Variants in DLGAP2 observed in about 807,000 individuals in gnomAD.
DLGAP2 encodes the protein disks large-associated protein 2.
DLGAP2 carries 26 observed loss-of-function variants against 100.3 expected under a neutral mutation model. The observed-to-expected ratio is 0.26, with a 90% CI of 0.19 to 0.36. The LOEUF (loss-of-function observed/expected upper bound fraction) is 0.36. Ranked by LOEUF, DLGAP2 falls within the 10% of genes least tolerant of loss-of-function variation. The pLI, the probability that DLGAP2 is intolerant of heterozygous loss-of-function variation, is 1.00. For missense variants in DLGAP2, 1,858 were observed against 1,453.2 expected (o/e 1.28, Z -4.53); for synonymous variants, 886 against 630.1 (o/e 1.41, Z -6.08).
chr8:742,133 G>A (rs554450088), intron 1 of DLGAP2, among the ~76,000 whole-genome samples: 1 of 152,364 alleles, frequency 6.6e-6, no homozygotes, highest in East Asian at 1.9e-4. Flanking sequence ...CAAATGGGAT[G>A]TATGGGCTTT....
chr8:885,300 T>G (rs575392735), intron 1 of DLGAP2, among the ~76,000 whole-genome samples: 1 of 152,334 alleles, frequency 6.6e-6, no homozygotes, highest in East Asian at 1.9e-4. Context: ...CTCATTTCCT[T>G]GAGCAGTGGT....
intron 3 of DLGAP2, among the ~76,000 whole-genome samples, chr8:1,442,761 A>G (rs1797874228): frequency 6.9e-6 from 1 of 145,488 alleles, no homozygotes; most frequent in African/African-American, 2.7e-5. Context: ...ACTGGAGGAG[A>G]CGGATCCGGG....
chr8:1,486,060 G>T (rs1057345277), intron 3 of DLGAP2, among the ~76,000 whole-genome samples: 4 of 152,146 alleles, frequency 2.6e-5, no homozygotes, highest in Non-Finnish European at 4.4e-5. Flanking sequence ...AGGAAGATCA[G>T]TCATCAGCAT....
intron 3 of DLGAP2, among the ~76,000 whole-genome samples, chr8:1,423,534 T>TG (rs1797158238): frequency 6.6e-6 from 1 of 152,230 alleles, no homozygotes; most frequent in East Asian, 1.9e-4. Context: ...GGCCTAGGCT[T>TG]AATACTCCTG....
chr8:1,486,587 G>T (rs980772027), intron 3 of DLGAP2, among the ~76,000 whole-genome samples: 1 of 151,950 alleles, frequency 6.6e-6, no homozygotes, highest in Non-Finnish European at 1.5e-5. Flanking sequence ...CAGCATCAGC[G>T]GAGATGCGGC....
At chr8:954,268 A>G (rs192231720) in intron 2 of DLGAP2, among the ~76,000 whole-genome samples, 138 of 152,324 alleles carry the variant, frequency 9.1e-4, no homozygotes, top group Admixed American at 8.7e-3. Context: ...ATTATTAACT[A>G]TAGTCACCAT....
At chr8:1,596,030 A>ACCC (rs1364855899) in intron 6 of DLGAP2, among the ~76,000 whole-genome samples, 2 of 37,908 alleles carry the variant, frequency 5.3e-5, no homozygotes, top group African/African-American at 9.7e-5. Flanking sequence ...CTAGCTCCCC[A>ACCC]CCCCCCAACA....
intron 3 of DLGAP2, among the ~76,000 whole-genome samples, chr8:1,386,355 C>T (rs1166716086): frequency 1.3e-5 from 2 of 152,202 alleles, no homozygotes; most frequent in African/African-American, 2.4e-5. Flanking sequence ...GCCGACACCC[C>T]TGGAAAACTC....
chr8:885,046 A>G (rs1797896234), intron 1 of DLGAP2, among the ~76,000 whole-genome samples: 1 of 152,168 alleles, frequency 6.6e-6, no homozygotes, highest in Non-Finnish European at 1.5e-5. Context: ...CTTGTAGTAT[A>G]GTTTGATGTC....
intron 2 of DLGAP2, among the ~76,000 whole-genome samples, chr8:1,045,658 G>A (rs1802493987): frequency 6.6e-6 from 1 of 152,130 alleles, no homozygotes; most frequent in Admixed American, 6.5e-5. Flanking sequence ...CCAGGTCCTG[G>A]TAACCACCCT....
intron 3 of DLGAP2, among the ~76,000 whole-genome samples, chr8:1,444,962 G>C (rs1485921027): frequency 6.6e-6 from 1 of 151,462 alleles, no homozygotes; most frequent in Non-Finnish European, 1.5e-5. Flanking sequence ...AGTAGAGACA[G>C]GGTTTCACCG....
rs142891410 is a variant in DLGAP2 at position 826,054 on chromosome 8, C to G, written c.19-81858C>G. 3.2e-3 allele frequency among the ~76,000 whole-genome samples: 495 copies of G among 152,310 alleles called. 1 individual carries two copies. The highest frequency in any genetic ancestry group is 0.011 in the African/African-American group (472 of 41,568). On this transcript the variant is annotated intron_variant, in intron 1 of 14. Coordinates refer to ENST00000637795, the MANE Select transcript of DLGAP2 (RefSeq NM_001346810.2). ...TTCAGGGTTGTAATTTTTGCTCCCA[C>G]AAATAATTGAGAACATGCTGTGTTT... is the stretch of plus-strand genomic sequence containing the variant.
chr8:1,360,441 T>G (rs1473264852), intron 3 of DLGAP2, among the ~76,000 whole-genome samples: 1 of 150,114 alleles, frequency 6.7e-6, no homozygotes, highest in African/African-American at 2.5e-5. Context: ...GTGCCCTGAG[T>G]GTTTTGCCCA....
Position 1,210,340 on chromosome 8 carries a change from G to A in DLGAP2, c.74-48511G>A, listed in dbSNP as rs1462601775. ...CTGGAAGGGCATGTGTCCAGGGCCAGATGAAACCAGTGCAGTGTTTTAAGA... is the reference window on the plus strand; with the variant it reads ...CTGGAAGGGCATGTGTCCAGGGCCAAATGAAACCAGTGCAGTGTTTTAAGA... On this transcript the variant is annotated intron_variant, in intron 2 of 14. Transcript: ENST00000637795. Among the ~76,000 whole-genome samples, 8 of 128,538 alleles carry A rather than the reference G, an allele frequency of 6.2e-5. No individual in the cohort carries two copies. In the East Asian group the frequency reaches 2.0e-3, roughly 31 times the overall value. 84.3% of individuals were successfully genotyped at this position (128,538 alleles called of 152,430 possible). A position where few individuals can be genotyped will look rare whatever the true frequency, so the allele number is the denominator to read the frequency against.
chr8:1,453,168 G>C lies in DLGAP2; in HGVS notation c.107-48198G>C, dbSNP rs1050773841. Among the ~76,000 whole-genome samples the C allele has an allele frequency of 1.5e-4, 23 of 152,266 alleles. 1 individual carries two copies. In the South Asian group the frequency reaches 4.6e-3, roughly 30 times the overall value. On this transcript the variant is annotated intron_variant, in intron 3 of 14. Transcript: ENST00000637795. ...CAGGTATTGGAGCGCGCTGGGCAGA[G>C]GGCTGGGGTGGCCTACTGAGCCCAG...
chr8:848,361 C>A (rs10088473), intron 1 of DLGAP2, among the ~76,000 whole-genome samples: 1 of 82,938 alleles, frequency 1.2e-5, no homozygotes, highest in African/African-American at 4.7e-5. Context: ...CGTGCGGTGC[C>A]TGTTCCAGTG....
At chr8:1,342,799 T>A (rs148277415) in intron 3 of DLGAP2, among the ~76,000 whole-genome samples, 1 of 152,334 alleles carries the variant, frequency 6.6e-6, no homozygotes, top group Non-Finnish European at 1.5e-5. Context: ...ATGTGGTGCC[T>A]ATTTGTCATT....
At chr8:894,472 G>T (rs1446732893) in intron 1 of DLGAP2, among the ~76,000 whole-genome samples, 1 of 151,844 alleles carries the variant, frequency 6.6e-6, no homozygotes, top group Non-Finnish European at 1.5e-5. Context: ...CCTGTCATTT[G>T]TGGAAACATG....
rs942056727 is a variant in DLGAP2 at position 1,501,515 on chromosome 8, C to T, written c.172+84C>T. The T allele has an allele frequency of 3.5e-4, 455 of 1,296,306 alleles. 2 individuals are homozygous for T. The highest frequency in any genetic ancestry group is 1.7e-3 in the Middle Eastern group (7 of 4,186). The allele number at this position is 1,296,306 out of a possible 1,614,324, so 80.3% of individuals were successfully genotyped here. ...GGGCACCTCCCATCATGCGGACCGTCCCACAAACACACGTTAGCATGTTTA... is the reference window on the plus strand; with the variant it reads ...GGGCACCTCCCATCATGCGGACCGTTCCACAAACACACGTTAGCATGTTTA... On this transcript the variant is annotated intron_variant, in intron 4 of 14. Coordinates refer to ENST00000637795, the MANE Select transcript of DLGAP2 (RefSeq NM_001346810.2).
Sources: allele counts gnomAD v4.1 joint callset (sites outside exome capture counted in the v4.1 genomes callset), GRCh38; gene constraint gnomAD v4.1.1; transcripts MANE v1.5; gene names NCBI Gene and HGNC (gene_info 2026-07-23, HGNC 2026-07-21).